The following RAB10 variants were observed in gnomAD, a reference collection of about 807,000 sequenced individuals.
RAB10 encodes ras-related protein Rab-10.
Under a neutral mutation model 25.7 loss-of-function variants are expected in RAB10, and 5 were observed. That is an observed-to-expected ratio of 0.19 (90% CI 0.10 to 0.41). The LOEUF (loss-of-function observed/expected upper bound fraction) is 0.41, where lower values mean the gene tolerates loss of function less well. Ranked by LOEUF, RAB10 falls within the 10% of genes least tolerant of loss-of-function variation. The probability of loss-of-function intolerance (pLI) is 1.00; values close to 1 mark genes in which losing one functional copy is unlikely to be tolerated. For synonymous variants in RAB10, 89 were observed against 86.4 expected, an observed-to-expected ratio of 1.03 and a Z score of -0.16; for missense variants, 103 against 245.8, an observed-to-expected ratio of 0.42 and a Z score of 3.89.
Position 26,109,797 on chromosome 2 carries a change from C to T in RAB10, c.218C>T (p.Thr73Ile). Residue 73 changes from threonine (T) to isoleucine (I), a missense_variant, in exon 3 of 6, where the codon ACC becomes ATC. By Grantham distance (89) the Thr-to-Ile change is moderately conservative (BLOSUM62 -1). Around this residue, in one of 2 missense-constraint regions of RAB10, gnomAD observed 79 missense variants for 217.8 expected, o/e 0.36. Transcript: ENST00000264710. ...WDTAGQERFH[T>I]ITTSYYRGAM... ...ACAGCAGGCCAGGAGCGATTTCACACCATCACAACCTCCTACTACAGAGGC... is the reference window on the plus strand; with the variant it reads ...ACAGCAGGCCAGGAGCGATTTCACATCATCACAACCTCCTACTACAGAGGC... 6.2e-7 allele frequency: 1 copy of T among 1,605,714 alleles called. No homozygotes were observed. Among genetic ancestry groups the T allele is most frequent in the Non-Finnish European group, 8.5e-7 (1 of 1,176,794 alleles).
intron 1 of RAB10, among the ~76,000 whole-genome samples, chr2:26,053,789 G>A (rs1435673715): frequency 1.3e-5 from 2 of 151,808 alleles, no homozygotes; most frequent in Non-Finnish European, 2.9e-5. Flanking sequence ...GCACAGTCTC[G>A]GCTCACTGCA....
intron 3 of RAB10, among the ~76,000 whole-genome samples, chr2:26,110,789 T>C (rs745801348): frequency 3.3e-5 from 5 of 152,110 alleles, no homozygotes; most frequent in Non-Finnish European, 7.4e-5. Context: ...CACTGCAATC[T>C]CTGCTTTCTG....
At chr2:26,113,049 C>T (rs1159443318) in intron 3 of RAB10, among the ~76,000 whole-genome samples, 1 of 151,910 alleles carries the variant, frequency 6.6e-6, no homozygotes, top group Non-Finnish European at 1.5e-5. Flanking sequence ...TGCACCACTG[C>T]ACTCCATCCT....
intron 2 of RAB10, among the ~76,000 whole-genome samples, chr2:26,099,821 T>C (rs536968718): frequency 3.8e-4 from 58 of 152,218 alleles, no homozygotes; most frequent in African/African-American, 1.0e-3. Context: ...GGATTACAGG[T>C]GTGAGCCACT....
intron 1 of RAB10, among the ~76,000 whole-genome samples, chr2:26,079,524 A>C (rs763701925): frequency 1.3e-5 from 2 of 152,168 alleles, no homozygotes; most frequent in Non-Finnish European, 2.9e-5. Context: ...TAGATACGTA[A>C]ATGTAAATAT....
intron 1 of RAB10, among the ~76,000 whole-genome samples, chr2:26,059,296 T>C (rs1185070961): frequency 6.6e-6 from 1 of 152,228 alleles, no homozygotes; most frequent in African/African-American, 2.4e-5. Context: ...TTCGAATGTT[T>C]GAATAGTCCA....
chr2:26,084,955 AT>A (rs368460685), intron 1 of RAB10, among the ~76,000 whole-genome samples: 20 of 152,296 alleles, frequency 1.3e-4, no homozygotes, highest in African/African-American at 4.8e-4. Flanking sequence ...TGTATATTGC[AT>A]TGTACTAGAA....
intron 1 of RAB10, among the ~76,000 whole-genome samples, chr2:26,059,288 C>T (rs1031907850): frequency 3.9e-4 from 59 of 152,154 alleles, no homozygotes; most frequent in African/African-American, 1.1e-3. Context: ...TTCATTCATT[C>T]GAATGTTTGA....
intron 3 of RAB10, among the ~76,000 whole-genome samples, chr2:26,121,173 A>G (rs1265158859): frequency 3.3e-5 from 5 of 152,174 alleles, no homozygotes; most frequent in Admixed American, 3.3e-4. Context: ...CAGCCTCCCA[A>G]AGTGCTGGCT....
At chr2:26,122,917 A>G (rs1667836038) in intron 3 of RAB10, among the ~76,000 whole-genome samples, 1 of 152,142 alleles carries the variant, frequency 6.6e-6, no homozygotes, top group African/African-American at 2.4e-5. Context: ...GGGGCAGGCC[A>G]CAAAGGACAT....
At chr2:26,042,782 T>C (rs575774333) in intron 1 of RAB10, 1 of 151,514 alleles carries the variant, frequency 6.6e-6, no homozygotes, top group Non-Finnish European at 1.5e-5. Flanking sequence ...TCATAATTAC[T>C]ATTTAAAAAA....
chr2:26,086,194 T>TG (rs766913968), intron 1 of RAB10, among the ~76,000 whole-genome samples: 1 of 151,548 alleles, frequency 6.6e-6, no homozygotes, highest in Non-Finnish European at 1.5e-5. Context: ...GGCAGTCCCC[T>TG]GTAATCCCAA....
chr2:26,060,359 C>T (rs1666369387), intron 1 of RAB10, among the ~76,000 whole-genome samples: 1 of 152,132 alleles, frequency 6.6e-6, no homozygotes, highest in Non-Finnish European at 1.5e-5. Flanking sequence ...GTGGCACGAT[C>T]TCGGCTCACT....
intron 1 of RAB10, among the ~76,000 whole-genome samples, chr2:26,040,836 T>A (rs1181747817): frequency 2.0e-5 from 3 of 152,176 alleles, no homozygotes; most frequent in Non-Finnish European, 4.4e-5. Context: ...TAGGATGGTG[T>A]TCACAAAGAC....
At chr2:26,048,439 T>G (rs959881639) in intron 1 of RAB10, among the ~76,000 whole-genome samples, 5 of 152,142 alleles carry the variant, frequency 3.3e-5, no homozygotes, top group Non-Finnish European at 7.4e-5. Flanking sequence ...CTCATTGTGG[T>G]TTTTAATTTG....
At chr2:26,132,106 C>T (rs1449633348) in intron 5 of RAB10, among the ~76,000 whole-genome samples, 1 of 152,226 alleles carries the variant, frequency 6.6e-6, no homozygotes, top group African/African-American at 2.4e-5. Flanking sequence ...TACCCATTTA[C>T]ACACCCACTT....
rs115890890 is a variant in RAB10 at position 26,104,608 on chromosome 2, T to C, written c.189-5160T>C. Among the ~76,000 whole-genome samples, 923 of 152,294 alleles carry C rather than the reference T, an allele frequency of 6.1e-3. 11 individuals are homozygous for C. Among genetic ancestry groups the C allele is most frequent in the African/African-American group, 0.021 (888 of 41,562 alleles). On this transcript the variant is annotated intron_variant, in intron 2 of 5. Transcript: ENST00000264710. ...CCCATTTACCTGTTTTTTCTTTTGT[T>C]GTTTGTGCTTTGGTGACATGTGTAA...
intron 1 of RAB10, among the ~76,000 whole-genome samples, chr2:26,074,980 T>G (rs559278716): frequency 5.9e-5 from 9 of 152,352 alleles, no homozygotes; most frequent in Non-Finnish European, 7.3e-5. Flanking sequence ...CAAGGACTTT[T>G]GGGAGGGACA....
chr2:26,096,351 G>T (rs994785323), intron 1 of RAB10, among the ~76,000 whole-genome samples: 8 of 152,016 alleles, frequency 5.3e-5, no homozygotes, highest in Non-Finnish European at 1.2e-4. Flanking sequence ...ATGTATGCCA[G>T]AACTTTAGAG....
Sources: gnomAD v4.1 joint callset for allele counts (sites outside exome capture counted in the v4.1 genomes callset) on GRCh38, gnomAD v4.1.1 for gene constraint, gnomAD v4.1.1 regional missense constraint, MANE v1.5 for transcripts, NCBI Gene and HGNC (gene_info 2026-07-23, HGNC 2026-07-21) for gene names.